The following ABTB2 variants were observed in gnomAD, a reference collection of about 807,000 sequenced individuals.
The protein encoded by ABTB2 is ankyrin repeat and BTB/POZ domain-containing protein 2.
Under a neutral mutation model 104.1 loss-of-function variants are expected in ABTB2, and 56 were observed. The observed-to-expected ratio is 0.54, with a 90% CI of 0.43 to 0.67. ABTB2 has a LOEUF of 0.67. Ranked by LOEUF, ABTB2 falls within the 30% of genes least tolerant of loss-of-function variation. ABTB2 has a pLI of 0.00. For missense variants in ABTB2, 1,279 were observed against 1,407.7 expected (o/e 0.91, Z 1.46); for synonymous variants, 606 against 608.2 (o/e 1.00, Z 0.05).
intron 1 of ABTB2, chr11:34,335,492 G>C: frequency 1.1e-6 from 1 of 877,068 alleles, no homozygotes; most frequent in East Asian, 2.4e-5. Flanking sequence ...TGATTAATTT[G>C]CTATTAGCTA....
chr11:34,153,086 A>T (rs1449635360), intron 16 of ABTB2, among the ~76,000 whole-genome samples: 1 of 148,016 alleles, frequency 6.8e-6, no homozygotes, highest in East Asian at 1.9e-4. Context: ...ACTGTGAAGG[A>T]GGTAAAGCCA....
At chr11:34,170,780 G>T in intron 5 of ABTB2, 126 bp downstream of exon 5, 2 of 1,168,392 alleles carry the variant, frequency 1.7e-6, no homozygotes, top group Non-Finnish European at 2.4e-6. Flanking sequence ...CAGGGAGGTA[G>T]CCCGCCTTTT....
chr11:34,269,824 C>T (rs1854292807), intron 1 of ABTB2, among the ~76,000 whole-genome samples: 1 of 152,232 alleles, frequency 6.6e-6, no homozygotes, highest in African/African-American at 2.4e-5. Flanking sequence ...CCACAGCCTA[C>T]CATAGCTGTC....
intron 1 of ABTB2, among the ~76,000 whole-genome samples, chr11:34,228,659 G>A (rs1051286245): frequency 7.9e-5 from 12 of 152,196 alleles, no homozygotes; most frequent in African/African-American, 9.6e-5. Flanking sequence ...ATTACAGCAT[G>A]TGCCACCGCA....
chr11:34,205,146 T>C (rs115194631), intron 1 of ABTB2, among the ~76,000 whole-genome samples: 1,768 of 152,348 alleles, frequency 0.012, 24 homozygotes, highest in African/African-American at 0.04. Flanking sequence ...GAGACCTGAC[T>C]TTGTTTTCAT....
Position 34,252,006 on chromosome 11 carries a change from C to G in ABTB2, c.884-47316G>C, listed in dbSNP as rs73495558. Among the ~76,000 whole-genome samples the G allele has an allele frequency of 0.033, 4,996 of 152,244 alleles. 280 individuals are homozygous for G. Among genetic ancestry groups the G allele is most frequent in the African/African-American group, 0.12 (4,780 of 41,500 alleles). ...TAGGGCACTCAGGGATCTAAGCTGC[C>G]AAAGTCAGCCCCACCCCACTCCCAT... On this transcript the variant is annotated intron_variant, in intron 1 of 16. Coordinates refer to ENST00000435224, the MANE Select transcript of ABTB2 (RefSeq NM_145804.3). This position sits in a 1 kb window ranked among gnomAD's most constrained non-coding sequence, Gnocchi z 5.5.
chr11:34,236,210 T>C (rs1486059177), intron 1 of ABTB2, among the ~76,000 whole-genome samples: 1 of 152,100 alleles, frequency 6.6e-6, no homozygotes, highest in Non-Finnish European at 1.5e-5. Context: ...AATAGAGTTT[T>C]TTCCCTGGAA....
intron 1 of ABTB2, among the ~76,000 whole-genome samples, chr11:34,285,356 T>C (rs1854492357): frequency 6.6e-6 from 1 of 152,118 alleles, no homozygotes; most frequent in African/African-American, 2.4e-5. Context: ...CATCATTATA[T>C]AGCAGGACCT....
chr11:34,207,725 A>G (rs2133042290), intron 1 of ABTB2, among the ~76,000 whole-genome samples: 1 of 152,390 alleles, frequency 6.6e-6, no homozygotes, highest in South Asian at 2.1e-4. Context: ...ACTGAGGGTC[A>G]GAAACGGAAC....
At chr11:34,158,335 C>T (rs1852658093) in intron 14 of ABTB2, among the ~76,000 whole-genome samples, 5 of 152,154 alleles carry the variant, frequency 3.3e-5, no homozygotes, top group Admixed American at 3.3e-4. Context: ...ATGGCGTGAA[C>T]CCGGGAGGTG....
At position 34,248,088 on chromosome 11, in the gene ABTB2, A is replaced by ATTTTTTTTTTTTTTTTTTTTTT. The variant is rs377220875; in HGVS notation, c.884-43399_884-43398insAAAAAAAAAAAAAAAAAAAAAA. On this transcript the variant is annotated intron_variant, in intron 1 of 16. Coordinates refer to ENST00000435224, the MANE Select transcript of ABTB2 (RefSeq NM_145804.3). ...CAATCATTCAATTTACTTATCTATA[A>ATTTTTTTTTTTTTTTTTTTTTT]TTTTTCTTAAAAAAAAAAAAAAAAA... is the stretch of plus-strand genomic sequence containing the variant. Among the ~76,000 whole-genome samples the ATTTTTTTTTTTTTTTTTTTTTT allele has an allele frequency of 1.6e-3, 127 of 78,364 alleles. 14 individuals are homozygous for ATTTTTTTTTTTTTTTTTTTTTT. Among genetic ancestry groups the ATTTTTTTTTTTTTTTTTTTTTT allele is most frequent in the African/African-American group, 3.8e-3 (54 of 14,114 alleles). The allele number at this position is 78,364 out of a possible 152,430, so 51.4% of individuals were successfully genotyped here.
intron 2 of ABTB2, among the ~76,000 whole-genome samples, chr11:34,198,010 A>C (rs780968545): frequency 3.3e-4 from 50 of 152,256 alleles, no homozygotes; most frequent in Non-Finnish European, 5.4e-4. Flanking sequence ...ACAACCACCA[A>C]CACCACCATC....
At chr11:34,256,596 C>G (rs1854125930) in intron 1 of ABTB2, among the ~76,000 whole-genome samples, 1 of 152,124 alleles carries the variant, frequency 6.6e-6, no homozygotes, top group Non-Finnish European at 1.5e-5. Flanking sequence ...GGGGGAGAAT[C>G]AAGTCGCTAA....
chr11:34,154,127 C>T lies in ABTB2; in HGVS notation c.2880+138G>A. On this transcript the variant is annotated intron_variant, in intron 16 of 16. Transcript: ENST00000435224. The surrounding 1 kb of genome is among the most constrained non-coding windows in gnomAD (Gnocchi z 4.9). Reference sequence around the variant, plus strand: ...CAACACAGGGAGTTGCTAACCCTCCCTCAGCCTCTACACTGCCCTCAGAAG... The same window carrying T: ...CAACACAGGGAGTTGCTAACCCTCCTTCAGCCTCTACACTGCCCTCAGAAG... The T allele has an allele frequency of 3.0e-6, 2 of 664,300 alleles. No homozygotes were observed. The highest frequency in any genetic ancestry group is 3.5e-5 in the South Asian group (2 of 57,426). 41.2% of individuals were successfully genotyped at this position (664,300 alleles called of 1,614,324 possible). A position where few individuals can be genotyped will look rare whatever the true frequency, so the allele number is the denominator to read the frequency against.
chr11:34,218,278 G>A lies in ABTB2; in HGVS notation c.884-13588C>T, dbSNP rs565653652. ...CTCTCTTGGCACTGTCTCTTACAGA[G>A]TAGAAACTAATTTTGATAAAGTGCA... is the stretch of plus-strand genomic sequence containing the variant. On this transcript the variant is annotated intron_variant, in intron 1 of 16. Coordinates refer to ENST00000435224, the MANE Select transcript of ABTB2 (RefSeq NM_145804.3). 7.2e-5 allele frequency among the ~76,000 whole-genome samples: 11 copies of A among 152,258 alleles called. No homozygotes were observed. The East Asian group carries it at 1.9e-3, about 27-fold the overall frequency.
chr11:34,173,132 C>A, intron 4 of ABTB2, 23 bp downstream of exon 4: 1 of 1,613,278 alleles, frequency 6.2e-7, no homozygotes, highest in East Asian at 2.2e-5. Context: ...ATGCCGGGGC[C>A]CTCCCTCCTC....
intron 1 of ABTB2, among the ~76,000 whole-genome samples, chr11:34,313,572 G>C (rs1353473253): frequency 6.6e-6 from 1 of 152,212 alleles, no homozygotes; most frequent in Non-Finnish European, 1.5e-5. Flanking sequence ...CATTGGACAA[G>C]GAGGATGTGC....
chr11:34,270,531 G>A (rs1249391956), intron 1 of ABTB2, among the ~76,000 whole-genome samples: 1 of 152,036 alleles, frequency 6.6e-6, no homozygotes, highest in Non-Finnish European at 1.5e-5. Context: ...GTAAAGATGG[G>A]GTTTCACCAT....
At chr11:34,219,464 G>T (rs1565144226) in intron 1 of ABTB2, among the ~76,000 whole-genome samples, 1 of 151,872 alleles carries the variant, frequency 6.6e-6, no homozygotes, top group Non-Finnish European at 1.5e-5. Context: ...GATTGCTTGG[G>T]CCCAGAAGGT....
Sources: allele counts gnomAD v4.1 joint callset (sites outside exome capture counted in the v4.1 genomes callset), GRCh38; gene constraint gnomAD v4.1.1; non-coding constraint Gnocchi (gnomAD v3.1); transcripts MANE v1.5; gene names NCBI Gene and HGNC (gene_info 2026-07-23, HGNC 2026-07-21).